The following TRIM67 variants were observed in gnomAD, a reference collection of about 807,000 sequenced individuals.
TRIM67 encodes the protein tripartite motif-containing protein 67.
A neutral mutation model predicts 71.0 loss-of-function variants in TRIM67; 39 were observed. The ratio of observed to expected loss-of-function variants is 0.55; its 90% CI spans 0.43 to 0.72. The LOEUF is 0.72. TRIM67 is among the 30% of genes least tolerant of loss of function. The pLI, the probability that TRIM67 is intolerant of heterozygous loss-of-function variation, is 0.00. For missense variants in TRIM67, 973 were observed against 1,079.2 expected, an observed-to-expected ratio of 0.90 and a Z score of 1.38; for synonymous variants, 481 against 473.9, an observed-to-expected ratio of 1.01 and a Z score of -0.19.
chr1:231,183,840 G>T (rs1439759300), intron 1 of TRIM67, among the ~76,000 whole-genome samples: 1 of 152,148 alleles, frequency 6.6e-6, no homozygotes, highest in East Asian at 1.9e-4. Context: ...ATGAGGGCAG[G>T]GAGAGTAAGT....
intron 1 of TRIM67, among the ~76,000 whole-genome samples, chr1:231,171,362 G>A (rs1204706391): frequency 6.6e-6 from 1 of 152,226 alleles, no homozygotes; most frequent in Non-Finnish European, 1.5e-5. Context: ...AAGAAATTCT[G>A]GAGAAATGCT....
At chr1:231,174,839 A>C (rs74143570) in intron 1 of TRIM67, among the ~76,000 whole-genome samples, 11,268 of 152,200 alleles carry the variant, frequency 0.074, 1,249 homozygotes, top group African/African-American at 0.24. Context: ...AAACTGCCTT[A>C]TGCCCTTTTT....
In TRIM67 at chr1:231,219,933, C is replaced by G; in HGVS notation, c.*4493C>G. On this transcript the variant is annotated 3_prime_UTR_variant, in exon 10 of 10. Coordinates refer to ENST00000366653, the MANE Select transcript of TRIM67 (RefSeq NM_001004342.5). ...TTGATCAGACACCAAGTTCAGCCCT[C>G]GGTTACTTCCCTCTTTTAACCTGGC... is the stretch of plus-strand genomic sequence containing the variant. 7.8e-7 allele frequency: 1 copy of G among 1,289,830 alleles called. No homozygotes were observed. Among genetic ancestry groups the G allele is most frequent in the East Asian group, 5.6e-5 (1 of 18,016 alleles). 79.9% of individuals were successfully genotyped at this position (1,289,830 alleles called of 1,614,324 possible).
intron 1 of TRIM67, among the ~76,000 whole-genome samples, chr1:231,177,074 A>G (rs1293987133): frequency 6.6e-6 from 1 of 152,152 alleles, no homozygotes; most frequent in Non-Finnish European, 1.5e-5. Context: ...AAGAAGGCTG[A>G]TTTTGGTCAT....
At chr1:231,214,486 T>C (rs1571907036) in intron 9 of TRIM67, among the ~76,000 whole-genome samples, 1 of 152,084 alleles carries the variant, frequency 6.6e-6, no homozygotes, top group East Asian at 1.9e-4. Flanking sequence ...ACCTAAAAGA[T>C]AGGCTTATGG....
chr1:231,167,863 C>T (rs1682517997), intron 1 of TRIM67, among the ~76,000 whole-genome samples: 1 of 152,128 alleles, frequency 6.6e-6, no homozygotes, highest in Non-Finnish European at 1.5e-5. Context: ...AGAGGAAACA[C>T]CTCTTCTATT....
intron 1 of TRIM67, among the ~76,000 whole-genome samples, chr1:231,190,746 C>T (rs887841978): frequency 6.6e-6 from 1 of 152,120 alleles, no homozygotes; most frequent in South Asian, 2.1e-4. Flanking sequence ...ATCCTGGGAG[C>T]GGACTGGGAG....
At chr1:231,180,807 G>A (rs1682880784) in intron 1 of TRIM67, among the ~76,000 whole-genome samples, 1 of 152,174 alleles carries the variant, frequency 6.6e-6, no homozygotes, top group Admixed American at 6.5e-5. Context: ...GGCCATGTTT[G>A]CTAGATTTTA....
At chr1:231,191,762 A>G (rs1683236106) in intron 1 of TRIM67, among the ~76,000 whole-genome samples, 1 of 152,178 alleles carries the variant, frequency 6.6e-6, no homozygotes. Flanking sequence ...GTAGGTTTGG[A>G]ATGACCACAA....
At chr1:231,190,749 ACT>A (rs1683209386) in intron 1 of TRIM67, among the ~76,000 whole-genome samples, 1 of 152,118 alleles carries the variant, frequency 6.6e-6, no homozygotes, top group Non-Finnish European at 1.5e-5. Context: ...CTGGGAGCGG[ACT>A]GGGAGCGGGG....
Position 231,163,488 on chromosome 1 carries a change from G to A in TRIM67, c.519G>A (p.Leu173=). Residue 173 remains leucine (L), a synonymous_variant, in exon 1 of 10, where the codon CTG becomes CTA. Transcript: ENST00000366653. The stretch of plus-strand genomic sequence containing the variant: ...GCGCATCCCTGGACCACCGCGGCCT[G>A]CGCGGCTTCCAGCGCAACCGGCTGC... ...HRSASLDHRG[L]RGFQRNRLLE... 6.6e-7 allele frequency: 1 copy of A among 1,524,748 alleles called. No homozygotes were observed. Among genetic ancestry groups the A allele is most frequent in the Non-Finnish European group, 8.8e-7 (1 of 1,142,232 alleles). 94.5% of individuals were successfully genotyped at this position (1,524,748 alleles called of 1,614,324 possible). A position where few individuals can be genotyped will look rare whatever the true frequency, so the allele number is the denominator to read the frequency against.
chr1:231,186,146 A>C (rs1683068701), intron 1 of TRIM67: 1 of 1,531,592 alleles, frequency 6.5e-7, no homozygotes, highest in Non-Finnish European at 8.7e-7. Context: ...AGGGCTTGAC[A>C]GCCAGGCTGA....
rs1684035192 is a variant in TRIM67, at chr1:231,217,171, G to T, written c.*1731G>T. 1 of 985,978 alleles carries T rather than the reference G, an allele frequency of 1.0e-6. No homozygotes were observed. Among genetic ancestry groups the T allele is most frequent in the Non-Finnish European group, 1.2e-6 (1 of 830,036 alleles). 61.1% of individuals were successfully genotyped at this position (985,978 alleles called of 1,614,324 possible). ...AAAGCTCATGCTCTTGGTCTGCAAG[G>T]CTGCTTGGTCCGCTGTCTCTGCAGA... On this transcript the variant is annotated 3_prime_UTR_variant, in exon 10 of 10. Coordinates refer to ENST00000366653, the MANE Select transcript of TRIM67 (RefSeq NM_001004342.5).
chr1:231,162,535 G>C lies in TRIM67; in HGVS notation c.-435G>C, dbSNP rs1485130621. The C allele has an allele frequency of 1.6e-5, 3 of 188,280 alleles. No homozygotes were observed. The Admixed American group carries it at 1.8e-4, about 11-fold the overall frequency. 11.7% of individuals were successfully genotyped at this position (188,280 alleles called of 1,614,324 possible). A position where few individuals can be genotyped will look rare whatever the true frequency, so the allele number is the denominator to read the frequency against. On this transcript the variant is annotated 5_prime_UTR_variant, in exon 1 of 10. Coordinates refer to ENST00000366653, the MANE Select transcript of TRIM67 (RefSeq NM_001004342.5). Reference sequence around the variant, plus strand: ...TGGGCCGGGGCAGAAGGGGGGCCTCGGGGTAGCCGCCCACCGGAGCCAGGG... The same window carrying C: ...TGGGCCGGGGCAGAAGGGGGGCCTCCGGGTAGCCGCCCACCGGAGCCAGGG...
chr1:231,217,795 A>G lies in TRIM67; in HGVS notation c.*2355A>G, dbSNP rs1199265639. ...GTTGCCTGGGGCTACCCTGAACCTA[A>G]CCCCTTTGAGGGAGCAGCATCCAGG... On this transcript the variant is annotated 3_prime_UTR_variant, in exon 10 of 10. Transcript: ENST00000366653. 1 of 1,288,654 alleles carries G rather than the reference A, an allele frequency of 7.8e-7. No individual in the cohort carries two copies. The highest frequency in any genetic ancestry group is 1.0e-6 in the Non-Finnish European group (1 of 988,474). The allele number at this position is 1,288,654 out of a possible 1,614,324, so 79.8% of individuals were successfully genotyped here.
intron 1 of TRIM67, among the ~76,000 whole-genome samples, chr1:231,188,772 G>A (rs192919595): frequency 9.7e-4 from 148 of 152,228 alleles, no homozygotes; most frequent in Non-Finnish European, 1.6e-3. Context: ...CATGTAAAGA[G>A]CTCAGCACTT....
Position 231,215,623 on chromosome 1 carries a change from GC to G in TRIM67, c.*184del. The G allele has an allele frequency of 4.4e-6, 6 of 1,359,478 alleles. No homozygotes were observed. The highest frequency in any genetic ancestry group is 4.6e-4 in the Middle Eastern group (2 of 4,368). 84.2% of individuals were successfully genotyped at this position (1,359,478 alleles called of 1,614,324 possible). ...CGCAGGGAATGGGTCCACGGGCCAT[GC>G]TCACAGCTGCCACTGTCAGTGGCAA... On this transcript the variant is annotated 3_prime_UTR_variant, in exon 10 of 10. Coordinates refer to ENST00000366653, the MANE Select transcript of TRIM67 (RefSeq NM_001004342.5).
intron 1 of TRIM67, among the ~76,000 whole-genome samples, chr1:231,190,052 T>A (rs1683191424): frequency 6.6e-6 from 1 of 152,150 alleles, no homozygotes; most frequent in Non-Finnish European, 1.5e-5. Context: ...TTTGTGTTGA[T>A]CTAGGCTACG....
rs1301164635 is a variant in TRIM67, at chr1:231,163,425, G to A, written c.456G>A (p.Ser152=). 4.5e-6 allele frequency: 7 copies of A among 1,538,920 alleles called. No homozygotes were observed. Among genetic ancestry groups the A allele is most frequent in the African/African-American group, 4.2e-5 (3 of 71,464 alleles). ...GTGCCGCCTGCTCCTCGCTGTCCTC[G>A]TCTTCGAGCTCCATCACGTGCCCGC... ...ARGAACSSLS[S]SSSSITCPQC... is the part of the protein sequence containing the mutation. Residue 152 remains serine, a synonymous_variant, in exon 1 of 10, where the codon TCG becomes TCA. Coordinates refer to ENST00000366653, the MANE Select transcript of TRIM67 (RefSeq NM_001004342.5).
Sources: gnomAD v4.1 joint callset for allele counts (sites outside exome capture counted in the v4.1 genomes callset) on GRCh38, gnomAD v4.1.1 for gene constraint, MANE v1.5 for transcripts, NCBI Gene and HGNC (gene_info 2026-07-23, HGNC 2026-07-21) for gene names.